GRID2: variants seen among roughly 807,000 people sequenced by gnomAD.
GRID2 encodes glutamate receptor ionotropic, delta-2.
GRID2 carries 33 observed loss-of-function variants against 114.8 expected under a neutral mutation model. The ratio of observed to expected loss-of-function variants is 0.29; its 90% CI spans 0.22 to 0.38. The LOEUF (loss-of-function observed/expected upper bound fraction) is 0.38, where lower values mean the gene tolerates loss of function less well. Ranked by LOEUF, GRID2 falls within the 10% of genes least tolerant of loss-of-function variation. GRID2 has a pLI of 1.00. For synonymous variants in GRID2, 505 were observed against 449.9 expected (o/e 1.12, Z -1.55); for missense variants, 1,184 against 1,257.7 (o/e 0.94, Z 0.89).
intron 2 of GRID2, among the ~76,000 whole-genome samples, chr4:92,727,825 C>A (rs1736134336): frequency 6.6e-6 from 1 of 152,012 alleles, no homozygotes; most frequent in African/African-American, 2.4e-5. Flanking sequence ...TTTATGATTA[C>A]TAGTATCTCC....
chr4:93,686,421 A>G (rs1262034948), intron 14 of GRID2, among the ~76,000 whole-genome samples: 3 of 151,970 alleles, frequency 2.0e-5, no homozygotes, highest in Non-Finnish European at 4.4e-5. Context: ...CTGTTCCCTC[A>G]GCAAATGTTC....
chr4:92,967,124 A>T (rs921975240), intron 2 of GRID2, among the ~76,000 whole-genome samples: 1 of 151,922 alleles, frequency 6.6e-6, no homozygotes, highest in African/African-American at 2.4e-5. Context: ...GGAGGTCAGT[A>T]TGTTCCAATT....
chr4:93,061,621 C>A (rs1013398979), intron 2 of GRID2, among the ~76,000 whole-genome samples: 1 of 152,110 alleles, frequency 6.6e-6, no homozygotes, highest in Admixed American at 6.6e-5. Flanking sequence ...AGACTAGCAA[C>A]TCACAATACT....
chr4:93,244,591 TCTA>T (rs1336225640), intron 8 of GRID2, among the ~76,000 whole-genome samples: 3 of 31,902 alleles, frequency 9.4e-5, no homozygotes, highest in African/African-American at 2.6e-4. Flanking sequence ...GATTATATAA[TCTA>T]TTATATATTA....
In GRID2 at chr4:93,772,291, T is replaced by A. The variant is rs1452612798; in HGVS notation, c.2817T>A (p.Thr939=). 1 of 1,614,082 alleles carries A rather than the reference T, an allele frequency of 6.2e-7. No individual in the cohort carries two copies. Among genetic ancestry groups the A allele is most frequent in the Admixed American group, 1.7e-5 (1 of 59,998 alleles). The change falls in exon 16 of 16, where the codon ACT becomes ACA. Residue 939 remains threonine (T), a synonymous_variant. Transcript: ENST00000282020. ...CCTTTATCCCAGAGCAGATCCAGAC[T>A]CTTAGCCGCACACTGTCAGCTAAAG... The part of the protein sequence containing the change: ...TTTFIPEQIQ[T]LSRTLSAKAA...
intron 13 of GRID2, among the ~76,000 whole-genome samples, chr4:93,561,317 C>A (rs1271039731): frequency 6.6e-6 from 1 of 151,974 alleles, no homozygotes; most frequent in Non-Finnish European, 1.5e-5. Flanking sequence ...ACTAACAGAG[C>A]CCTAATAATG....
At chr4:92,384,571 A>G (rs868340129) in intron 1 of GRID2, among the ~76,000 whole-genome samples, 1 of 72,948 alleles carries the variant, frequency 1.4e-5, no homozygotes. Flanking sequence ...ATAATATAAT[A>G]TATAAAATAT....
chr4:92,671,680 G>A (rs1425519230), intron 2 of GRID2, among the ~76,000 whole-genome samples: 1 of 152,114 alleles, frequency 6.6e-6, no homozygotes, highest in African/African-American at 2.4e-5. Flanking sequence ...TTGCGTAAAA[G>A]TAGTCTAGGG....
rs979654885 is a variant in GRID2 at position 92,843,119 on chromosome 4, T to C, written c.245-241876T>C. 2.0e-5 allele frequency among the ~76,000 whole-genome samples: 3 copies of C among 151,912 alleles called. No homozygotes were observed. The South Asian group carries it at 6.2e-4, about 32-fold the overall frequency. On this transcript the variant is annotated intron_variant, in intron 2 of 15. Transcript: ENST00000282020. The stretch of plus-strand genomic sequence containing the variant: ...ATACCCAGGAGGGGTAACACATACC[T>C]GTAGTCCCAGCTACTTGGAAGCTGA...
intron 2 of GRID2, among the ~76,000 whole-genome samples, chr4:93,017,244 A>G (rs575082969): frequency 6.6e-6 from 1 of 152,298 alleles, no homozygotes; most frequent in East Asian, 1.9e-4. Context: ...GACATTGTTA[A>G]CTATGTATGT....
intron 2 of GRID2, among the ~76,000 whole-genome samples, chr4:92,726,311 A>G (rs1736066613): frequency 6.6e-6 from 1 of 152,150 alleles, no homozygotes. Context: ...CTTACCACAA[A>G]CACATAAGTA....
chr4:92,866,158 A>G (rs1744846763), intron 2 of GRID2, among the ~76,000 whole-genome samples: 2 of 152,150 alleles, frequency 1.3e-5, no homozygotes, highest in South Asian at 4.1e-4. Flanking sequence ...AGTGAGAGGA[A>G]TATTGTGAGG....
chr4:92,865,250 C>A (rs941691349), intron 2 of GRID2, among the ~76,000 whole-genome samples: 26 of 152,106 alleles, frequency 1.7e-4, no homozygotes, highest in Admixed American at 3.9e-4. Flanking sequence ...TTCTCTTTCT[C>A]TAGTTTGAAA....
chr4:92,611,058 A>ATG (rs988672316), intron 2 of GRID2, among the ~76,000 whole-genome samples: 6 of 144,374 alleles, frequency 4.2e-5, no homozygotes, highest in Non-Finnish European at 6.2e-5. Context: ...GTATATATAT[A>ATG]TGTGTGTGTG....
chr4:93,072,017 A>G (rs1728852453), intron 2 of GRID2, among the ~76,000 whole-genome samples: 2 of 152,160 alleles, frequency 1.3e-5, no homozygotes, highest in African/African-American at 4.8e-5. Flanking sequence ...GGAAAACACA[A>G]TGTCAAATCC....
chr4:93,437,353 C>G (rs1721194571), intron 10 of GRID2, among the ~76,000 whole-genome samples: 2 of 152,100 alleles, frequency 1.3e-5, no homozygotes, highest in Non-Finnish European at 2.9e-5. Flanking sequence ...GCTCCAGCAT[C>G]CAAGTGCTTA....
At chr4:93,168,923 TTAAAA>T (rs1410755751) in intron 4 of GRID2, among the ~76,000 whole-genome samples, 6 of 152,124 alleles carry the variant, frequency 3.9e-5, no homozygotes, top group Non-Finnish European at 7.4e-5. Context: ...AGGATAACAA[TTAAAA>T]TAAAAGTTAA....
At chr4:92,694,139 G>A (rs551171052) in intron 2 of GRID2, among the ~76,000 whole-genome samples, 1 of 152,278 alleles carries the variant, frequency 6.6e-6, no homozygotes, top group Admixed American at 6.5e-5. Flanking sequence ...GCTGGACAAA[G>A]CTAGACTGAA....
rs72216440 is a variant in GRID2, at chr4:92,486,547, T to TCACACACACACA, written c.89-103551_89-103540dup. ...ATAGCCTTATAAATCTCTCTCTCTT[T>TCACACACACACA]CACACACACACACACACACACACAC... On this transcript the variant is annotated intron_variant, in intron 1 of 15. Coordinates refer to ENST00000282020, the MANE Select transcript of GRID2 (RefSeq NM_001510.4). Among the ~76,000 whole-genome samples, 133 of 137,164 alleles carry TCACACACACACA rather than the reference T, an allele frequency of 9.7e-4. 1 individual carries two copies. The highest frequency in any genetic ancestry group is 3.2e-3 in the African/African-American group (120 of 37,180). 90.0% of individuals were successfully genotyped at this position (137,164 alleles called of 152,430 possible).
Sources: allele counts gnomAD v4.1 joint callset (sites outside exome capture counted in the v4.1 genomes callset), GRCh38; gene constraint gnomAD v4.1.1; transcripts MANE v1.5; gene names NCBI Gene and HGNC (gene_info 2026-07-23, HGNC 2026-07-21).